DORIP1: variants seen among roughly 807,000 people sequenced by gnomAD.
The protein encoded by DORIP1 is dopamine receptor-interacting protein 1.
At chr14:44,899,336 A>G in the DORIP1 span, 1 of 152,232 alleles carries the variant, frequency 6.6e-6, no homozygotes, top group African/African-American at 2.4e-5. Flanking sequence ...ATAGGGAATA[A>G]TCAGGATATT....
At chr14:44,899,572 GT>G in the DORIP1 span, among the ~76,000 whole-genome samples, 66 of 146,040 alleles carry the variant, frequency 4.5e-4, no homozygotes, top group Non-Finnish European at 6.7e-4. Flanking sequence ...AGCAACAGGA[GT>G]TTTTTTTTTT....
the DORIP1 span, chr14:44,907,075 C>T: frequency 6.6e-6 from 1 of 152,528 alleles, no homozygotes; most frequent in Non-Finnish European, 1.5e-5. Context: ...GTGTCATTAA[C>T]AAAATTATTC....
chr14:44,903,495 T>C, the DORIP1 span: 8 of 1,189,920 alleles, frequency 6.7e-6, no homozygotes, highest in Admixed American at 8.4e-5. Flanking sequence ...AAATACCTTT[T>C]CTTTTTTCCC....
the DORIP1 span, chr14:44,905,763 T>C: frequency 6.3e-5 from 20 of 318,232 alleles, no homozygotes; most frequent in Non-Finnish European, 9.6e-5. Context: ...GTTATTTTTA[T>C]ATGAGCATAT....
At chr14:44,900,697 T>C in the DORIP1 span, 1 of 1,613,940 alleles carries the variant, frequency 6.2e-7, no homozygotes, top group African/African-American at 1.3e-5. Context: ...TGGTAGAGAG[T>C]TTGTAGACTG....
At chr14:44,901,307 A>G in the DORIP1 span, among the ~76,000 whole-genome samples, 1 of 152,236 alleles carries the variant, frequency 6.6e-6, no homozygotes, top group African/African-American at 2.4e-5. Flanking sequence ...TCATCTAAGG[A>G]TACATTTCTC....
the DORIP1 span, among the ~76,000 whole-genome samples, chr14:44,901,887 A>G: frequency 1.3e-5 from 2 of 152,190 alleles, no homozygotes; most frequent in African/African-American, 4.8e-5. Context: ...GATAGGGACA[A>G]AGTCCAAATT....
the DORIP1 span, chr14:44,898,768 T>C: frequency 6.6e-6 from 1 of 152,200 alleles, no homozygotes; most frequent in African/African-American, 2.4e-5. Context: ...ATACTAAATA[T>C]AGTTACTGGA....
At chr14:44,898,985 A>G in the DORIP1 span, 7 of 152,216 alleles carry the variant, frequency 4.6e-5, no homozygotes, top group Non-Finnish European at 1.0e-4. Context: ...AAGATGGTCA[A>G]AATAAGACAC....
At chr14:44,902,752 C>G in the DORIP1 span, among the ~76,000 whole-genome samples, 1 of 151,546 alleles carries the variant, frequency 6.6e-6, no homozygotes, top group Non-Finnish European at 1.5e-5. Context: ...AAGTTTTTGC[C>G]TACTTTTTAA....
chr14:44,905,543 A>C, the DORIP1 span: 3 of 1,507,422 alleles, frequency 2.0e-6, no homozygotes, highest in African/African-American at 4.1e-5. Context: ...CGAGCAACAG[A>C]GAAATAAATA....
the DORIP1 span, chr14:44,906,040 A>G: frequency 6.7e-6 from 1 of 149,616 alleles, no homozygotes; most frequent in Non-Finnish European, 1.5e-5. Context: ...ATTTGAATGT[A>G]CAATTTATCG....
chr14:44,899,648 T>C, the DORIP1 span, among the ~76,000 whole-genome samples: 5 of 152,044 alleles, frequency 3.3e-5, no homozygotes, highest in African/African-American at 4.8e-5. Flanking sequence ...ATGTAATGGC[T>C]ATTATTCTGT....
chr14:44,898,720 C>G, the DORIP1 span, among the ~76,000 whole-genome samples: 12 of 152,128 alleles, frequency 7.9e-5, no homozygotes, highest in Admixed American at 3.3e-4. Context: ...TGACTAGAAT[C>G]AATGTGTTGG....
At chr14:44,905,668 G>A in the DORIP1 span, 2 of 701,342 alleles carry the variant, frequency 2.9e-6, no homozygotes, top group African/African-American at 1.8e-5. Context: ...AGTTTCAGAA[G>A]TGTATTTTCA....
the DORIP1 span, chr14:44,900,392 A>G: frequency 7.2e-7 from 1 of 1,398,298 alleles, no homozygotes; most frequent in Non-Finnish European, 9.5e-7. Context: ...TAATATACAA[A>G]GTTACAATTT....
At chr14:44,901,107 T>C in the DORIP1 span, 3 of 747,708 alleles carry the variant, frequency 4.0e-6, no homozygotes, top group African/African-American at 3.6e-5. Context: ...ATATTTAGTA[T>C]ACCTTTCTAT....
chr14:44,905,460 G>A, the DORIP1 span: 3 of 1,568,008 alleles, frequency 1.9e-6, no homozygotes, highest in Non-Finnish European at 1.7e-6. Flanking sequence ...ACTATGATGG[G>A]CTCAGAAATG....
the DORIP1 span, among the ~76,000 whole-genome samples, chr14:44,898,653 C>G: frequency 6.6e-6 from 1 of 152,162 alleles, no homozygotes; most frequent in Non-Finnish European, 1.5e-5. Flanking sequence ...TACGAAGAAA[C>G]TGAGTTTGTG....
Sources: gnomAD v4.1 joint callset for allele counts (sites outside exome capture counted in the v4.1 genomes callset) on GRCh38, gnomAD v4.1.1 for gene constraint, MANE v1.5 for transcripts, NCBI Gene and HGNC (gene_info 2026-07-23, HGNC 2026-07-21) for gene names.